Variants in DTNB observed in about 807,000 individuals in gnomAD.
The protein encoded by DTNB is dystrobrevin beta, also known as DTN-B.
Under a neutral mutation model 90.7 loss-of-function variants are expected in DTNB, and 63 were observed. The ratio of observed to expected loss-of-function variants is 0.69; its 90% CI spans 0.57 to 0.86. DTNB has a LOEUF of 0.86. Among genes scored for constraint, DTNB ranks in the 40% least tolerant of loss-of-function variants. The pLI, the probability that DTNB is intolerant of heterozygous loss-of-function variation, is 0.00. For synonymous variants in DTNB, 277 were observed against 286.7 expected, an observed-to-expected ratio of 0.97 and a Z score of 0.34; for missense variants, 744 against 807.1, an observed-to-expected ratio of 0.92 and a Z score of 0.95.
chr2:25,635,328 A>T (rs967074219), intron 3 of DTNB, among the ~76,000 whole-genome samples: 1 of 152,040 alleles, frequency 6.6e-6, no homozygotes, highest in Admixed American at 6.6e-5. Flanking sequence ...CTACTGGGGA[A>T]GCTGGGGCAG....
intron 9 of DTNB, among the ~76,000 whole-genome samples, chr2:25,518,360 T>C (rs2075523591): frequency 1.3e-5 from 2 of 152,138 alleles, no homozygotes; most frequent in African/African-American, 4.8e-5. Context: ...AACAAAGTCA[T>C]AGCCACTTGT....
At chr2:25,522,789 C>T (rs1162540923) in intron 9 of DTNB, among the ~76,000 whole-genome samples, 2 of 151,228 alleles carry the variant, frequency 1.3e-5, no homozygotes, top group African/African-American at 2.4e-5. Context: ...CAACCTCTAC[C>T]TCCTGGGTTC....
intron 1 of DTNB, among the ~76,000 whole-genome samples, chr2:25,657,757 ACAAAAC>A (rs2082347252): frequency 6.6e-6 from 1 of 152,128 alleles, no homozygotes; most frequent in Non-Finnish European, 1.5e-5. Flanking sequence ...AAACTCAGTA[ACAAAAC>A]AACAGCTTAA....
In DTNB at chr2:25,577,006, T is replaced by A. The variant is rs766739709; in HGVS notation, c.710-2A>T. On this transcript the variant is annotated splice_acceptor_variant, in intron 7 of 20. Transcript: ENST00000406818. LOFTEE classifies it high-confidence loss of function. ...AGGAGCACTCCACGGGATGGAAGAC[T>A]TGTGGACAGGAGAGAAAAGGGGAGA... 1.2e-6 allele frequency: 2 copies of A among 1,601,376 alleles called. No individual in the cohort carries two copies. Among genetic ancestry groups the A allele is most frequent in the Non-Finnish European group, 8.5e-7 (1 of 1,173,460 alleles).
intron 10 of DTNB, among the ~76,000 whole-genome samples, chr2:25,467,675 T>G (rs114803637): frequency 6.6e-6 from 1 of 152,202 alleles, no homozygotes; most frequent in African/African-American, 2.4e-5. Context: ...TAAAGTACCT[T>G]TTATCAGCTC....
chr2:25,563,838 A>G (rs2058611169), intron 8 of DTNB, among the ~76,000 whole-genome samples: 1 of 152,208 alleles, frequency 6.6e-6, no homozygotes, highest in African/African-American at 2.4e-5. Context: ...ATTGCTTTGA[A>G]GTAAGTCTTA....
At chr2:25,564,814 G>A (rs947204541) in intron 8 of DTNB, among the ~76,000 whole-genome samples, 2 of 152,124 alleles carry the variant, frequency 1.3e-5, no homozygotes, top group Non-Finnish European at 2.9e-5. Context: ...TTCATTTTCA[G>A]ATTGTTCATT....
At chr2:25,548,737 T>C (rs923136615) in intron 8 of DTNB, among the ~76,000 whole-genome samples, 2 of 152,094 alleles carry the variant, frequency 1.3e-5, no homozygotes, top group African/African-American at 4.8e-5. Context: ...CTGAATGAGG[T>C]GACAAGCTCT....
At chr2:25,621,636 T>TA (rs2072692509) in intron 4 of DTNB, among the ~76,000 whole-genome samples, 1 of 141,194 alleles carries the variant, frequency 7.1e-6, no homozygotes, top group South Asian at 2.2e-4. Flanking sequence ...TTTTTTTTTT[T>TA]AGTAGAGATG....
chr2:25,667,534 C>A (rs2084759532), intron 1 of DTNB, among the ~76,000 whole-genome samples: 1 of 152,018 alleles, frequency 6.6e-6, no homozygotes. Flanking sequence ...TGAAGAGATA[C>A]ACTGCAAGAA....
intron 1 of DTNB, among the ~76,000 whole-genome samples, chr2:25,654,347 G>C (rs2081638885): frequency 1.3e-5 from 2 of 152,130 alleles, no homozygotes. Flanking sequence ...AGTCAGTTTT[G>C]GTTGTCACAA....
intron 1 of DTNB, among the ~76,000 whole-genome samples, chr2:25,658,850 G>T (rs1458909884): frequency 6.6e-6 from 1 of 152,246 alleles, no homozygotes; most frequent in East Asian, 1.9e-4. Context: ...GTGGAAACAT[G>T]ACACTATGTG....
intron 15 of DTNB, among the ~76,000 whole-genome samples, chr2:25,426,339 A>G (rs2051597336): frequency 1.3e-5 from 2 of 152,242 alleles, no homozygotes; most frequent in African/African-American, 4.8e-5. Context: ...GAGGACTTGG[A>G]TAGAAGAAAT....
chr2:25,388,162 T>C (rs1170108615), intron 17 of DTNB, 40 bp downstream of exon 17: 3 of 1,544,640 alleles, frequency 1.9e-6, no homozygotes, highest in Non-Finnish European at 2.6e-6. Context: ...TGTTTGCACA[T>C]CCCTTCAGCT....
chr2:25,477,288 C>T (rs1574940953), intron 10 of DTNB, among the ~76,000 whole-genome samples: 1 of 152,086 alleles, frequency 6.6e-6, no homozygotes, highest in South Asian at 2.1e-4. Flanking sequence ...ACAATATACA[C>T]TTTATTGCGG....
rs1558448160 is a variant in DTNB at position 25,420,508 on chromosome 2, ATCTATCTAT to A, written c.1555-982_1555-974del. Among the ~76,000 whole-genome samples, 504 of 122,948 alleles carry A rather than the reference ATCTATCTAT, an allele frequency of 4.1e-3. 2 individuals are homozygous for A. The highest frequency in any genetic ancestry group is 6.9e-3 in the Non-Finnish European group (357 of 51,566). 80.7% of individuals were successfully genotyped at this position (122,948 alleles called of 152,430 possible). ...TATCTATCTATCTATCTATCTATCT[ATCTATCTAT>A]CTATCTGTCTGTCTATCGACAGAGT... is the stretch of plus-strand genomic sequence containing the variant. On this transcript the variant is annotated intron_variant, in intron 15 of 20. Transcript: ENST00000406818.
chr2:25,453,919 C>T (rs1383143169), intron 11 of DTNB, among the ~76,000 whole-genome samples: 6 of 152,004 alleles, frequency 3.9e-5, no homozygotes, highest in East Asian at 1.9e-4. Context: ...AGGCTGAGGC[C>T]GGCGGATCAC....
At chr2:25,620,186 T>G (rs1208366912) in intron 4 of DTNB, among the ~76,000 whole-genome samples, 1 of 152,038 alleles carries the variant, frequency 6.6e-6, no homozygotes, top group East Asian at 1.9e-4. Context: ...AAAATGAGCA[T>G]GTCATATTGG....
At chr2:25,627,562 CTT>C (rs1002506086) in intron 4 of DTNB, among the ~76,000 whole-genome samples, 3 of 152,020 alleles carry the variant, frequency 2.0e-5, no homozygotes, top group Non-Finnish European at 2.9e-5. Context: ...AAATTCAAAA[CTT>C]AGTGTTTTTC....
Sources: allele counts gnomAD v4.1 joint callset (sites outside exome capture counted in the v4.1 genomes callset), GRCh38; gene constraint gnomAD v4.1.1; transcripts MANE v1.5; gene names NCBI Gene and HGNC (gene_info 2026-07-23, HGNC 2026-07-21).